Variants in COL4A2 observed in about 807,000 individuals in gnomAD.
The protein encoded by COL4A2 is collagen alpha-2(IV) chain.
A neutral mutation model predicts 200.2 loss-of-function variants in COL4A2; 99 were observed. The observed-to-expected ratio is 0.49, with a 90% CI of 0.42 to 0.58. The LOEUF (loss-of-function observed/expected upper bound fraction) is 0.58. Among genes scored for constraint, COL4A2 ranks in the 20% least tolerant of loss-of-function variants. The pLI, the probability that COL4A2 is intolerant of heterozygous loss-of-function variation, is 0.00. For missense variants in COL4A2, 1,950 were observed against 2,314.1 expected, an observed-to-expected ratio of 0.84 and a Z score of 3.23; for synonymous variants, 897 against 900.6, an observed-to-expected ratio of 1.00 and a Z score of 0.07.
At chr13:110,436,484 C>G (rs1329995956) in intron 13 of COL4A2, 117 bp downstream of exon 13, 3 of 1,335,322 alleles carry the variant, frequency 2.2e-6, no homozygotes, top group Non-Finnish European at 3.0e-6. Flanking sequence ...ACCAACTTGG[C>G]ACATTACCCA....
chr13:110,310,988 C>T (rs1274281487), intron 3 of COL4A2, among the ~76,000 whole-genome samples: 1 of 152,228 alleles, frequency 6.6e-6, no homozygotes, highest in Non-Finnish European at 1.5e-5. Context: ...CCACACCGAG[C>T]TTCCCAGGGC....
chr13:110,467,033 T>C lies in COL4A2; in HGVS notation c.2039-7T>C, dbSNP rs760622067. Reference sequence around the variant, plus strand: ...TTGGGCTCATCTTTTCTCCTTTCTGTCCCCAGGTTGCATAGGAGGGCCCAA... The same window carrying C: ...TTGGGCTCATCTTTTCTCCTTTCTGCCCCCAGGTTGCATAGGAGGGCCCAA... On this transcript the variant is annotated splice_polypyrimidine_tract_variant and splice_region_variant and intron_variant, in intron 26 of 47. Transcript: ENST00000360467. The C allele has an allele frequency of 1.2e-5, 20 of 1,613,728 alleles. No individual in the cohort carries two copies. The highest frequency in any genetic ancestry group is 1.7e-5 in the Non-Finnish European group (20 of 1,179,948).
intron 32 of COL4A2, among the ~76,000 whole-genome samples, chr13:110,484,443 C>G (rs1883041559): frequency 6.6e-6 from 1 of 152,122 alleles, no homozygotes; most frequent in Non-Finnish European, 1.5e-5. Flanking sequence ...CTCAGCTCCT[C>G]AGAACCCCCC....
chr13:110,458,866 G>C lies in COL4A2; in HGVS notation c.1528G>C (p.Glu510Gln). The C allele has an allele frequency of 6.2e-7, 1 of 1,612,960 alleles. No homozygotes were observed. Among genetic ancestry groups the C allele is most frequent in the Non-Finnish European group, 8.5e-7 (1 of 1,179,394 alleles). Reference sequence around the variant, plus strand: ...CAAGGGCTTCGCAGGCATCAACGGGGAGCCGGGGAGGAAAGGGGACAGAGG... The same window carrying C: ...CAAGGGCTTCGCAGGCATCAACGGGCAGCCGGGGAGGAAAGGGGACAGAGG... ...GPKGFAGING[E>Q]PGRKGDRGDP... The change falls in exon 22 of 48, where the codon GAG becomes CAG. Residue 510 changes from glutamate to glutamine, a missense_variant. Physicochemically the swap from Glu to Gln is conservative, Grantham distance 29. Transcript: ENST00000360467.
intron 6 of COL4A2, 33 bp from the exon 7 acceptor site, chr13:110,428,434 G>A (rs758567997): frequency 7.7e-6 from 10 of 1,305,282 alleles, no homozygotes; most frequent in Middle Eastern, 3.7e-4. Context: ...AAGCCTGCTG[G>A]TTGGCTGATT....
At chr13:110,337,324 G>C (rs1177465224) in intron 3 of COL4A2, among the ~76,000 whole-genome samples, 1 of 152,230 alleles carries the variant, frequency 6.6e-6, no homozygotes, top group East Asian at 1.9e-4. Flanking sequence ...AATCATAAAC[G>C]TAAGATTTAA....
At chr13:110,409,056 A>G (rs985998344) in intron 4 of COL4A2, among the ~76,000 whole-genome samples, 1 of 143,322 alleles carries the variant, frequency 7.0e-6, no homozygotes, top group Non-Finnish European at 1.5e-5. Flanking sequence ...GCAGATATAC[A>G]CATGCACACA....
At chr13:110,393,182 A>C (rs1395212938) in intron 4 of COL4A2, among the ~76,000 whole-genome samples, 1 of 152,184 alleles carries the variant, frequency 6.6e-6, no homozygotes, top group African/African-American at 2.4e-5. Flanking sequence ...AGTTCATCTC[A>C]TGTGCTTTTC....
chr13:110,462,088 G>GATATTTTT (rs1393058154), intron 22 of COL4A2, 26 bp from the exon 23 acceptor site: 1 of 1,613,866 alleles, frequency 6.2e-7, no homozygotes, highest in Admixed American at 1.7e-5. Flanking sequence ...AAAGAAGGAA[G>GATATTTTT]ATATTTTTTT....
chr13:110,432,491 G>T (rs1264920586), intron 11 of COL4A2, 131 bp downstream of exon 11: 2 of 1,207,976 alleles, frequency 1.7e-6, no homozygotes, highest in Non-Finnish European at 2.2e-6. Flanking sequence ...AACAGTTTTG[G>T]AGGTTTTTAA....
chr13:110,427,442 G>A (rs763411504), intron 6 of COL4A2, among the ~76,000 whole-genome samples: 24 of 152,232 alleles, frequency 1.6e-4, no homozygotes, highest in Non-Finnish European at 2.2e-4. Flanking sequence ...GAGCCACTGC[G>A]CCCAGCCAAG....
At chr13:110,316,473 C>T (rs911701402) in intron 3 of COL4A2, among the ~76,000 whole-genome samples, 4 of 152,168 alleles carry the variant, frequency 2.6e-5, no homozygotes, top group African/African-American at 4.8e-5. Context: ...CCCTCCTTCC[C>T]GCTCTGTCCT....
rs370631657 is a variant in COL4A2 at position 110,505,118 on chromosome 13, A to T, written c.4402+854A>T. On this transcript the variant is annotated intron_variant, in intron 45 of 47. Coordinates refer to ENST00000360467, the MANE Select transcript of COL4A2 (RefSeq NM_001846.4). ...GTAATCCCAGCACTTTGGGAGGCTG[A>T]GGTGGGCGGATCACAAGGGCAGGAG... Among the ~76,000 whole-genome samples, 118 of 151,892 alleles carry T rather than the reference A, an allele frequency of 7.8e-4. 1 individual carries two copies. The East Asian group carries it at 0.018, about 23-fold the overall frequency.
intron 34 of COL4A2, among the ~76,000 whole-genome samples, chr13:110,487,742 G>A (rs1026098015): frequency 6.6e-6 from 1 of 152,192 alleles, no homozygotes; most frequent in Non-Finnish European, 1.5e-5. Flanking sequence ...ACACGATTCA[G>A]TTTCATCGAT....
intron 3 of COL4A2, among the ~76,000 whole-genome samples, chr13:110,346,228 C>A (rs532637827): frequency 1.3e-5 from 2 of 152,298 alleles, no homozygotes; most frequent in Admixed American, 1.3e-4. Flanking sequence ...TCCTGCGTAA[C>A]TCAAAGCCTT....
At position 110,508,855 on chromosome 13, in the gene COL4A2, G is replaced by C. The variant is rs996777297; in HGVS notation, c.4881+634G>C. Among the ~76,000 whole-genome samples the C allele has an allele frequency of 2.0e-5, 3 of 152,136 alleles. No homozygotes were observed. The highest frequency in any genetic ancestry group is 7.2e-5 in the African/African-American group (3 of 41,434). ...TAGGTTTAGCTTAACCTCCAGGGGAGAGACCACAGCACCATAGTGTCTCTT... is the reference window on the plus strand; with the variant it reads ...TAGGTTTAGCTTAACCTCCAGGGGACAGACCACAGCACCATAGTGTCTCTT... On this transcript the variant is annotated intron_variant, in intron 47 of 47. Coordinates refer to ENST00000360467, the MANE Select transcript of COL4A2 (RefSeq NM_001846.4). The surrounding 1 kb of genome is among the most constrained non-coding windows in gnomAD (Gnocchi z 6.1).
chr13:110,355,017 A>G (rs1237127330), intron 3 of COL4A2, among the ~76,000 whole-genome samples: 2 of 152,228 alleles, frequency 1.3e-5, no homozygotes, highest in East Asian at 3.8e-4. Context: ...TCCCCAAGTG[A>G]TAGTCCTGTT....
At chr13:110,455,395 T>C (rs1395050930) in intron 20 of COL4A2, among the ~76,000 whole-genome samples, 1 of 152,174 alleles carries the variant, frequency 6.6e-6, no homozygotes, top group Non-Finnish European at 1.5e-5. Context: ...TTCTTTGGGC[T>C]TTAATTGAAG....
intron 4 of COL4A2, among the ~76,000 whole-genome samples, chr13:110,371,911 C>G (rs1411575189): frequency 6.6e-6 from 1 of 152,074 alleles, no homozygotes; most frequent in Non-Finnish European, 1.5e-5. Context: ...ACAATAGGAA[C>G]TCCAGAAATG....
Sources: allele counts gnomAD v4.1 joint callset (sites outside exome capture counted in the v4.1 genomes callset), GRCh38; gene constraint gnomAD v4.1.1; non-coding constraint Gnocchi (gnomAD v3.1); transcripts MANE v1.5; gene names NCBI Gene and HGNC (gene_info 2026-07-23, HGNC 2026-07-21).